Variants in NIPBL observed in about 807,000 individuals in gnomAD.
NIPBL encodes the protein NIPBL cohesin loading factor.
NIPBL carries 19 observed loss-of-function variants against 321.8 expected under a neutral mutation model. That is an observed-to-expected ratio of 0.06 (90% confidence interval 0.04 to 0.09). NIPBL has a LOEUF of 0.09. NIPBL is among the 10% of genes least tolerant of loss of function. NIPBL has a pLI of 1.00. For missense variants in NIPBL, 2,210 were observed against 3,327.0 expected, an observed-to-expected ratio of 0.66 and a Z score of 8.26; for synonymous variants, 1,106 against 1,114.1, an observed-to-expected ratio of 0.99 and a Z score of 0.14.
Position 37,022,348 on chromosome 5 carries a change from G to A in NIPBL, c.5532G>A (p.Gln1844=), listed in dbSNP as rs1190207747. 6.2e-7 allele frequency: 1 copy of A among 1,613,914 alleles called. No homozygotes were observed. Among genetic ancestry groups the A allele is most frequent in the Non-Finnish European group, 8.5e-7 (1 of 1,179,940 alleles). ...GTCGATTTGTCCTTTGTCGACCTCA[G>A]CTTGCTGAACAGTATTATGATATGC... ...LLGRFVLCRP[Q]LAEQYYDMLI... Residue 1844 remains glutamine (Q), a synonymous_variant, in exon 29 of 47, where the codon CAG becomes CAA. Transcript: ENST00000282516.
intron 10 of NIPBL, 73 bp from the exon 11 acceptor site, chr5:36,995,549 T>A: frequency 1.0e-6 from 1 of 973,634 alleles, no homozygotes. Context: ...ATTTTTATTA[T>A]GCTAACTTAG....
chr5:36,933,612 T>C (rs1372668932), intron 1 of NIPBL, among the ~76,000 whole-genome samples: 1 of 152,134 alleles, frequency 6.6e-6, no homozygotes, highest in East Asian at 1.9e-4. Flanking sequence ...TAATTTTTGA[T>C]CATTTAATTT....
chr5:36,995,249 A>G (rs1746006057), intron 10 of NIPBL: 3 of 186,350 alleles, frequency 1.6e-5, no homozygotes, highest in Non-Finnish European at 3.3e-5. Flanking sequence ...AAATTTATGT[A>G]CTACCAAGAA....
chr5:36,878,940 C>G (rs1004005274), intron 1 of NIPBL, among the ~76,000 whole-genome samples: 2 of 150,556 alleles, frequency 1.3e-5, no homozygotes, highest in African/African-American at 4.9e-5. Context: ...CTGTTAGACA[C>G]TGTTTGCTAC....
rs1463861846 is a variant in NIPBL at position 36,996,401 on chromosome 5, G to A, written c.3304+597G>A. ...TAGCCACATTGCAGATTATCTGTGT[G>A]GTTTGGACCTGGCTTCTCCTTTTTG... is the stretch of plus-strand genomic sequence containing the variant. On this transcript the variant is annotated intron_variant, in intron 11 of 46. Coordinates refer to ENST00000282516, the MANE Select transcript of NIPBL (RefSeq NM_133433.4). The surrounding 1 kb of genome is among the most constrained non-coding windows in gnomAD (Gnocchi z 5.0). 2.2e-6 allele frequency: 1 copy of A among 456,378 alleles called. No individual in the cohort carries two copies. Among genetic ancestry groups the A allele is most frequent in the Non-Finnish European group, 4.4e-6 (1 of 226,870 alleles). The allele number at this position is 456,378 out of a possible 1,614,324, so 28.3% of individuals were successfully genotyped here. A position where few individuals can be genotyped will look rare whatever the true frequency, so the allele number is the denominator to read the frequency against.
intron 1 of NIPBL, among the ~76,000 whole-genome samples, chr5:36,903,837 T>A (rs1747420593): frequency 6.6e-6 from 1 of 152,182 alleles, no homozygotes; most frequent in African/African-American, 2.4e-5. Context: ...TAGTATTTTC[T>A]AAGATGTTTT....
At chr5:36,952,092 T>G (rs1336000164) in intron 1 of NIPBL, among the ~76,000 whole-genome samples, 1 of 146,056 alleles carries the variant, frequency 6.8e-6, no homozygotes, top group Non-Finnish European at 1.5e-5. Flanking sequence ...GTGTAGCAGT[T>G]TAATGTACCT....
At chr5:36,939,131 T>A (rs144005148) in intron 1 of NIPBL, among the ~76,000 whole-genome samples, 2 of 152,242 alleles carry the variant, frequency 1.3e-5, no homozygotes, top group East Asian at 3.9e-4. Context: ...GCCTCCCAAA[T>A]AGCTGGGACT....
intron 6 of NIPBL, among the ~76,000 whole-genome samples, chr5:36,968,327 TGGGAGGCTGA>T (rs1742467781): frequency 6.6e-6 from 1 of 152,064 alleles, no homozygotes; most frequent in African/African-American, 2.4e-5. Context: ...TTAAGCACTT[TGGGAGGCTGA>T]GACTGGTGGA....
chr5:36,902,692 G>T (rs867913513), intron 1 of NIPBL, among the ~76,000 whole-genome samples: 1 of 147,924 alleles, frequency 6.8e-6, no homozygotes, highest in Non-Finnish European at 1.5e-5. Context: ...CTCTGGCTTT[G>T]TTCTTTTTGC....
intron 8 of NIPBL, among the ~76,000 whole-genome samples, chr5:36,972,781 A>G (rs1743010488): frequency 6.6e-6 from 1 of 150,840 alleles, no homozygotes; most frequent in Admixed American, 6.6e-5. Context: ...CCTCTTTTCA[A>G]CTATTTAGTC....
At chr5:37,004,469 G>C (rs1046222075) in intron 16 of NIPBL, among the ~76,000 whole-genome samples, 2 of 151,266 alleles carry the variant, frequency 1.3e-5, no homozygotes, top group African/African-American at 4.9e-5. Context: ...CAGTGCTACA[G>C]TCATAGCTCA....
chr5:37,001,595 C>T (rs1746809234), intron 14 of NIPBL, among the ~76,000 whole-genome samples: 1 of 151,928 alleles, frequency 6.6e-6, no homozygotes, highest in Non-Finnish European at 1.5e-5. Context: ...ATTCTAATGA[C>T]CAATATTTAT....
intron 46 of NIPBL, 191 bp downstream of exon 46, chr5:37,064,169 T>TA (rs922140809): frequency 2.1e-6 from 3 of 1,419,640 alleles, no homozygotes; most frequent in Non-Finnish European, 2.8e-6. Flanking sequence ...TAAAAGACAA[T>TA]AAAAAAACAG....
rs56972789 is a variant in NIPBL, at chr5:37,048,946, G to GAC, written c.6764-142_6764-141dup. Among the ~76,000 whole-genome samples the GAC allele has an allele frequency of 0.11, 15,879 of 148,604 alleles. 839 individuals carry two copies. Among genetic ancestry groups the GAC allele is most frequent in the Middle Eastern group, 0.14 (40 of 286 alleles). On this transcript the variant is annotated intron_variant, in intron 39 of 46. Coordinates refer to ENST00000282516, the MANE Select transcript of NIPBL (RefSeq NM_133433.4). ...GGTTCTCAAAGGGGCCTCTGACACA[G>GAC]ACACACACACACACACACACACACT...
chr5:36,923,939 A>G (rs187418339), intron 1 of NIPBL, among the ~76,000 whole-genome samples: 443 of 152,268 alleles, frequency 2.9e-3, no homozygotes, highest in Non-Finnish European at 5.2e-3. Context: ...GTGGTTAAGG[A>G]TTATATTTGC....
chr5:37,012,531 A>G (rs1217349199), intron 21 of NIPBL, among the ~76,000 whole-genome samples: 3 of 146,070 alleles, frequency 2.1e-5, no homozygotes, highest in African/African-American at 7.7e-5. Context: ...GGGTCACAGG[A>G]CAATAGTGGA....
chr5:36,997,885 A>G (rs74461297), intron 11 of NIPBL, among the ~76,000 whole-genome samples: 1 of 151,934 alleles, frequency 6.6e-6, no homozygotes, highest in South Asian at 2.1e-4. Context: ...TGAGAGAGAG[A>G]AAAAAAAATT....
intron 5 of NIPBL, 126 bp from the exon 6 acceptor site, chr5:36,961,997 C>T: frequency 9.4e-7 from 1 of 1,064,756 alleles, no homozygotes; most frequent in East Asian, 2.5e-5. Context: ...TTGCAAGATT[C>T]TTCTGTTTGC....
Sources: gnomAD v4.1 joint callset for allele counts (sites outside exome capture counted in the v4.1 genomes callset) on GRCh38, gnomAD v4.1.1 for gene constraint, Gnocchi (gnomAD v3.1) non-coding constraint, MANE v1.5 for transcripts, NCBI Gene and HGNC (gene_info 2026-07-23, HGNC 2026-07-21) for gene names.